PIGN: variants seen among roughly 807,000 people sequenced by gnomAD.
PIGN encodes GPI ethanolamine phosphate transferase 1.
A neutral mutation model predicts 125.4 loss-of-function variants in PIGN; 117 were observed. That is an observed-to-expected ratio of 0.93 (90% confidence interval 0.80 to 1.09). The LOEUF is 1.09. PIGN is among the 50% of genes least tolerant of loss of function. The probability of loss-of-function intolerance (pLI) is 0.00; values close to 1 mark genes in which losing one functional copy is unlikely to be tolerated. For synonymous variants in PIGN, 392 were observed against 377.8 expected (o/e 1.04, Z -0.44); for missense variants, 1,075 against 1,094.9 (o/e 0.98, Z 0.26).
chr18:62,147,023 A>T lies in PIGN; in HGVS notation c.753T>A (p.Asn251Lys), dbSNP rs773720861. The T allele has an allele frequency of 6.2e-7, 1 of 1,612,234 alleles. No individual in the cohort carries two copies. Among genetic ancestry groups the T allele is most frequent in the South Asian group, 1.1e-5 (1 of 90,990 alleles). The change falls in exon 9 of 31, where the codon AAT becomes AAA. Residue 251 changes from asparagine to lysine, a missense_variant. Physicochemically the swap from Asn to Lys is moderately conservative, Grantham distance 94. This residue lies in a region of PIGN where 915 missense variants were observed against 908.7 expected (regional missense o/e 1.01). Coordinates refer to ENST00000640252, the MANE Select transcript of PIGN (RefSeq NM_176787.5). Reference sequence around the variant, plus strand: ...TAAAGATAAATGTTGTTTTCCCATCATTTCCATAGAAGTGGTTAAACATAG... The same window carrying T: ...TAAAGATAAATGTTGTTTTCCCATCTTTTCCATAGAAGTGGTTAAACATAG... Reference protein sequence around the residue: ...IVSMFNHFYGNDGKTTFIFTS... With the variant: ...IVSMFNHFYGKDGKTTFIFTS...
intron 30 of PIGN, chr18:62,072,324 G>C: frequency 5.9e-6 from 1 of 170,024 alleles, no homozygotes. Context: ...GACTCACCCA[G>C]AACAACTTCC....
intron 7 of PIGN, among the ~76,000 whole-genome samples, chr18:62,150,063 C>T (rs1283130498): frequency 1.3e-5 from 2 of 152,186 alleles, no homozygotes; most frequent in African/African-American, 4.8e-5. Flanking sequence ...CTCACTGCAA[C>T]CTCTGTCTCC....
At chr18:62,077,349 G>A (rs999130360) in intron 28 of PIGN, among the ~76,000 whole-genome samples, 3 of 152,082 alleles carry the variant, frequency 2.0e-5, no homozygotes, top group Non-Finnish European at 4.4e-5. Flanking sequence ...CTCCAGCCTG[G>A]GTGACAGAGT....
intron 1 of PIGN, among the ~76,000 whole-genome samples, chr18:62,182,338 G>A (rs1002855767): frequency 1.4e-4 from 21 of 152,032 alleles, no homozygotes; most frequent in African/African-American, 4.6e-4. Context: ...CAACTAAGTA[G>A]GTTTAAAACC....
intron 14 of PIGN, among the ~76,000 whole-genome samples, chr18:62,128,544 G>T (rs996669871): frequency 3.3e-5 from 5 of 151,916 alleles, no homozygotes; most frequent in African/African-American, 1.2e-4. Context: ...CACTGCATAG[G>T]TAACAGTGTT....
At position 62,147,061 on chromosome 18, in the gene PIGN, T is replaced by C. The variant is rs1379953663; in HGVS notation, c.715A>G (p.Lys239Glu). 6.2e-7 allele frequency: 1 copy of C among 1,608,086 alleles called. No individual in the cohort carries two copies. The highest frequency in any genetic ancestry group is 2.2e-5 in the East Asian group (1 of 44,668). ...TGGTTAAACATAGACACGATTTCTTTAACTCCATCATCAACTTTTTTAATA... is the reference window on the plus strand; with the variant it reads ...TGGTTAAACATAGACACGATTTCTTCAACTCCATCATCAACTTTTTTAATA... ...HNIKKVDDGV[K>E]EIVSMFNHFY... Residue 239 changes from lysine to glutamate, a missense_variant, in exon 9 of 31, where the codon AAA becomes GAA. Lys to Glu is a moderately conservative substitution (Grantham distance 56). This residue lies in a region of PIGN where 915 missense variants were observed against 908.7 expected (regional missense o/e 1.01). Transcript: ENST00000640252.
At chr18:62,023,473 G>A (rs923058015) in intron 23 of PIGN, among the ~76,000 whole-genome samples, 2 of 152,104 alleles carry the variant, frequency 1.3e-5, no homozygotes, top group Non-Finnish European at 2.9e-5. Context: ...TCCATTCAAT[G>A]GACATTTGGG....
intron 7 of PIGN, among the ~76,000 whole-genome samples, chr18:62,151,670 C>T (rs1183056099): frequency 6.6e-6 from 1 of 152,220 alleles, no homozygotes; most frequent in East Asian, 1.9e-4. Context: ...TCTAGGCATA[C>T]TTTCCTTTCT....
chr18:62,109,371 T>C (rs1413660224), intron 17 of PIGN, among the ~76,000 whole-genome samples: 8 of 152,172 alleles, frequency 5.3e-5, no homozygotes, highest in Admixed American at 5.2e-4. Flanking sequence ...CGTATTAGAT[T>C]TAACTACAAA....
chr18:62,109,846 G>A lies in PIGN; in HGVS notation c.1562C>T (p.Ala521Val), dbSNP rs765393406. Residue 521 changes from alanine (A) to valine (V), a missense_variant, in exon 17 of 31, where the codon GCG becomes GTG. Transcript: ENST00000640252. Reference sequence around the variant, plus strand: ...ATGCATTACTTACTCTCTTAGAACCGCATACCATATTGGCAGTGGCAACAA... The same window carrying A: ...ATGCATTACTTACTCTCTTAGAACCACATACCATATTGGCAGTGGCAACAA... The part of the protein sequence containing the change: ...YGLLPLPIWY[A>V]VLREFQVIQD... 15 of 1,610,702 alleles carry A rather than the reference G, an allele frequency of 9.3e-6. No individual in the cohort carries two copies. The Admixed American group carries it at 1.2e-4, about 13-fold the overall frequency.
chr18:62,026,416 C>T (rs1327250419), intron 23 of PIGN, among the ~76,000 whole-genome samples: 1 of 152,096 alleles, frequency 6.6e-6, no homozygotes, highest in Non-Finnish European at 1.5e-5. Flanking sequence ...CTTAGCCCAC[C>T]TTGAATTTCA....
chr18:62,097,147 T>C (rs1446233839), intron 22 of PIGN, among the ~76,000 whole-genome samples: 15 of 140,144 alleles, frequency 1.1e-4, no homozygotes, highest in East Asian at 2.1e-4. Context: ...ACCTACAACA[T>C]GGGAGAAAAT....
chr18:62,093,799 G>A (rs1344432661), intron 23 of PIGN, among the ~76,000 whole-genome samples: 1 of 151,968 alleles, frequency 6.6e-6, no homozygotes, highest in Non-Finnish European at 1.5e-5. Context: ...GAACCCTCCA[G>A]GTCATCCAAA....
At chr18:62,105,430 C>T (rs1599530933) in intron 20 of PIGN, 113 bp downstream of exon 20, 3 of 657,076 alleles carry the variant, frequency 4.6e-6, no homozygotes, top group South Asian at 2.1e-5. Flanking sequence ...TTTAAATTCC[C>T]GTTAGTTCAC....
In PIGN at chr18:62,157,708, C is replaced by G; in HGVS notation, c.322G>C (p.Asp108His). 1 of 1,611,696 alleles carries G rather than the reference C, an allele frequency of 6.2e-7. No homozygotes were observed. Among genetic ancestry groups the G allele is most frequent in the Non-Finnish European group, 8.5e-7 (1 of 1,178,758 alleles). Residue 108 changes from aspartate (D) to histidine (H), a missense_variant, in exon 5 of 31, where the codon GAT (aspartate) becomes CAT (histidine). By Grantham distance (81) the Asp-to-His change is moderately conservative (BLOSUM62 -1). Around this residue, in one of 3 missense-constraint regions of PIGN, gnomAD observed 152 missense variants for 162.9 expected, o/e 0.93. Coordinates refer to ENST00000640252, the MANE Select transcript of PIGN (RefSeq NM_176787.5). ...ATACCTTTGGCAACTGCACTGACAT[C>G]TTCATAAAACCCAGCTATCAGAGCT... Reference protein sequence around the residue: ...HVALIAGFYEDVSAVAKGWKE... With the variant: ...HVALIAGFYEHVSAVAKGWKE...
chr18:62,095,641 A>G (rs531958619), intron 23 of PIGN, among the ~76,000 whole-genome samples: 2 of 152,306 alleles, frequency 1.3e-5, no homozygotes, highest in Admixed American at 1.3e-4. Flanking sequence ...ACAGCAAGCA[A>G]TATCATGAAA....
At chr18:62,084,683 T>C in intron 26 of PIGN, 77 bp from the exon 27 acceptor site, 1 of 929,738 alleles carries the variant, frequency 1.1e-6, no homozygotes, top group South Asian at 1.5e-5. Context: ...AAAAAGATGT[T>C]TAAACTAATT....
intron 14 of PIGN, among the ~76,000 whole-genome samples, chr18:62,127,413 A>T (rs996281136): frequency 2.6e-5 from 4 of 152,194 alleles, no homozygotes; most frequent in Non-Finnish European, 1.5e-5. Context: ...CTGTTGCTGA[A>T]GTATGGTTTC....
rs531772247 is a variant in PIGN at position 62,043,739 on chromosome 18, C to T, written c.*2117G>A. The T allele has an allele frequency of 7.9e-5, 12 of 152,136 alleles. No homozygotes were observed. Among genetic ancestry groups the T allele is most frequent in the South Asian group, 6.2e-4 (3 of 4,816 alleles). 9.4% of individuals were successfully genotyped at this position (152,136 alleles called of 1,614,324 possible). On this transcript the variant is annotated 3_prime_UTR_variant, in exon 31 of 31. Transcript: ENST00000640252. ...TTCCCTCTAAGGTTTATTCATGGGCCCTCTAAGATGATAGCATGGCCTTTT... is the reference window on the plus strand; with the variant it reads ...TTCCCTCTAAGGTTTATTCATGGGCTCTCTAAGATGATAGCATGGCCTTTT...
Sources: allele counts gnomAD v4.1 joint callset (sites outside exome capture counted in the v4.1 genomes callset), GRCh38; gene constraint gnomAD v4.1.1; regional missense constraint gnomAD v4.1.1; transcripts MANE v1.5; gene names NCBI Gene and HGNC (gene_info 2026-07-23, HGNC 2026-07-21).